CLCA2: variants seen among roughly 807,000 people sequenced by gnomAD.
CLCA2 encodes the protein calcium-activated chloride channel regulator 2.
In CLCA2, 85 loss-of-function variants were observed where a neutral mutation model predicts 82.9. That is an observed-to-expected ratio of 1.03 (90% CI 0.86 to 1.23). The LOEUF (loss-of-function observed/expected upper bound fraction) is 1.23, where lower values mean the gene tolerates loss of function less well. Among genes scored for constraint, CLCA2 ranks in the 50% most tolerant of loss-of-function variants. The pLI is 0.00. For synonymous variants in CLCA2, 421 were observed against 391.7 expected (o/e 1.07, Z -0.88); for missense variants, 1,089 against 1,124.8 (o/e 0.97, Z 0.45).
At chr1:86,431,983 TGGAGTGCAATGGCAC>T (rs984152595) in intron 4 of CLCA2, among the ~76,000 whole-genome samples, 17 of 152,352 alleles carry the variant, frequency 1.1e-4, no homozygotes, top group African/African-American at 3.6e-4. Flanking sequence ...TCGCCCAGGC[TGGAGTGCAATGGCAC>T]GATTTCGGCT....
intron 5 of CLCA2, among the ~76,000 whole-genome samples, chr1:86,433,842 T>C (rs1662547073): frequency 6.6e-6 from 1 of 152,210 alleles, no homozygotes; most frequent in Non-Finnish European, 1.5e-5. Flanking sequence ...ATGGGAAGTA[T>C]CGACTCTTTG....
At position 86,430,885 on chromosome 1, in the gene CLCA2, G is replaced by T; in HGVS notation, c.499G>T (p.Ala167Ser). The T allele has an allele frequency of 6.2e-7, 1 of 1,613,424 alleles. No homozygotes were observed. The highest frequency in any genetic ancestry group is 8.5e-7 in the Non-Finnish European group (1 of 1,179,706). The change falls in exon 4 of 14, where the codon GCC (alanine) becomes TCC (serine). Residue 167 changes from alanine (A) to serine (S), a missense_variant. Transcript: ENST00000370565. The stretch of plus-strand genomic sequence containing the variant: ...AGGCCGAGTGTTTGTCCATGAATGG[G>T]CCCACCTCCGTTGGGGTGTGTTCGA... ...SRGRVFVHEW[A>S]HLRWGVFDEY...
intron 9 of CLCA2, among the ~76,000 whole-genome samples, chr1:86,442,650 T>C (rs2101704564): frequency 6.6e-6 from 1 of 152,180 alleles, no homozygotes; most frequent in African/African-American, 2.4e-5. Flanking sequence ...TCCACCAATA[T>C]AATTTTACAC....
At chr1:86,440,540 T>C (rs201994556) in intron 8 of CLCA2, among the ~76,000 whole-genome samples, 7 of 152,166 alleles carry the variant, frequency 4.6e-5, no homozygotes, top group Non-Finnish European at 8.8e-5. Flanking sequence ...AAAAATAATA[T>C]TTTATAATTC....
chr1:86,430,816 T>C (rs753667391), intron 3 of CLCA2, 46 bp from the exon 4 acceptor site: 3 of 1,415,902 alleles, frequency 2.1e-6, no homozygotes, highest in Non-Finnish European at 3.0e-6. Context: ...CAAGGCACAT[T>C]GCTGAGATTT....
chr1:86,453,172 CAAAAT>C (rs974343257), intron 12 of CLCA2, among the ~76,000 whole-genome samples, 192 bp from the exon 13 acceptor site: 1 of 151,866 alleles, frequency 6.6e-6, no homozygotes, highest in Non-Finnish European at 1.5e-5. Flanking sequence ...GACTCTGTCT[CAAAAT>C]AAAATAAAAT....
chr1:86,449,453 T>C (rs1237335242), intron 11 of CLCA2, among the ~76,000 whole-genome samples: 1 of 152,228 alleles, frequency 6.6e-6, no homozygotes, highest in East Asian at 1.9e-4. Context: ...TGGAGAGATT[T>C]TCCTTTGTAA....
chr1:86,436,032 A>G (rs143917930), intron 6 of CLCA2, among the ~76,000 whole-genome samples: 17 of 152,274 alleles, frequency 1.1e-4, no homozygotes, highest in African/African-American at 4.1e-4. Flanking sequence ...AGCAATGCTC[A>G]TTTGTCAACA....
At chr1:86,428,840 A>G (rs1558101485) in intron 3 of CLCA2, among the ~76,000 whole-genome samples, 1 of 152,206 alleles carries the variant, frequency 6.6e-6, no homozygotes, top group Non-Finnish European at 1.5e-5. Context: ...TGTCCTCACA[A>G]AGGAAAAGGT....
intron 10 of CLCA2, among the ~76,000 whole-genome samples, chr1:86,445,977 A>G (rs1242352773): frequency 6.6e-6 from 1 of 152,104 alleles, no homozygotes; most frequent in East Asian, 1.9e-4. Flanking sequence ...CCCAAAAGGT[A>G]TTTTGTAAAA....
rs779647228 is a variant in CLCA2, at chr1:86,453,392, AG to A, written c.2181del (p.Lys728AsnfsTer3). 1 of 1,613,960 alleles carries A rather than the reference AG, an allele frequency of 6.2e-7. No homozygotes were observed. The highest frequency in any genetic ancestry group is 1.1e-5 in the South Asian group (1 of 91,066). ...AGGTAATATTCAGATGAATGCTCCA[AG>A]GAAATCAGTAGGCAGAAATGAGGAG... ...ANGNIQMNAP[R>X]KSVGRNEEER... is the part of the protein sequence containing the mutation. On this transcript the variant is annotated frameshift_variant, in exon 13 of 14. Transcript: ENST00000370565. LOFTEE classifies it high-confidence loss of function.
chr1:86,435,846 T>C (rs537228452), intron 6 of CLCA2, among the ~76,000 whole-genome samples: 1 of 152,260 alleles, frequency 6.6e-6, no homozygotes, highest in African/African-American at 2.4e-5. Flanking sequence ...TTTTTACTAT[T>C]ATCTATGCCC....
In CLCA2 at chr1:86,440,184, G is replaced by C; in HGVS notation, c.1240G>C (p.Val414Leu). ...EKLNGKAYGSVMILVTSGDDK... is the reference protein window; with the variant it reads ...EKLNGKAYGSLMILVTSGDDK... ...ACTGAATGGAAAAGCTTATGGCTCT[G>C]TGATGATATTAGTGACCAGCGGAGA... Residue 414 changes from valine to leucine, a missense_variant, in exon 8 of 14, where the codon GTG becomes CTG. Coordinates refer to ENST00000370565, the MANE Select transcript of CLCA2 (RefSeq NM_006536.7). 6.2e-7 allele frequency: 1 copy of C among 1,614,146 alleles called. No individual in the cohort carries two copies. The highest frequency in any genetic ancestry group is 1.3e-5 in the African/African-American group (1 of 75,048).
At position 86,424,432 on chromosome 1, in the gene CLCA2, A is replaced by G. The variant is rs1662348796; in HGVS notation, c.185A>G (p.Lys62Arg). 6.2e-7 allele frequency: 1 copy of G among 1,604,184 alleles called. No homozygotes were observed. Among genetic ancestry groups the G allele is most frequent in the Non-Finnish European group, 8.5e-7 (1 of 1,174,910 alleles). The change falls in exon 1 of 14, where the codon AAG becomes AGG. Residue 62 changes from lysine (K) to arginine (R), a missense_variant and splice_region_variant. By Grantham distance (26) the Lys-to-Arg change is conservative. Coordinates refer to ENST00000370565, the MANE Select transcript of CLCA2 (RefSeq NM_006536.7). ...AATCAGAACCTCATCTCAAACATTAAGGTGAGTGGAAATTATGAAATTGAT... is the reference window on the plus strand; with the variant it reads ...AATCAGAACCTCATCTCAAACATTAGGGTGAGTGGAAATTATGAAATTGAT... ...PENQNLISNI[K>R]EMITEASFYL...
intron 10 of CLCA2, among the ~76,000 whole-genome samples, 158 bp from the exon 11 acceptor site, chr1:86,447,350 T>C (rs1662872677): frequency 6.6e-6 from 1 of 152,208 alleles, no homozygotes; most frequent in Non-Finnish European, 1.5e-5. Flanking sequence ...ATTCATCCCT[T>C]AACCAATGCT....
intron 9 of CLCA2, among the ~76,000 whole-genome samples, chr1:86,442,537 T>A (rs1366218258): frequency 4.6e-5 from 7 of 152,158 alleles, no homozygotes; most frequent in Non-Finnish European, 8.8e-5. Flanking sequence ...TAAATCTTCT[T>A]CAACAGCCCA....
At chr1:86,430,012 T>TCCTTTG (rs112142757) in intron 3 of CLCA2, among the ~76,000 whole-genome samples, 8 of 152,236 alleles carry the variant, frequency 5.3e-5, no homozygotes, top group African/African-American at 1.9e-4. Context: ...TACCCTCCCT[T>TCCTTTG]CCTTTGCCTC....
Position 86,453,558 on chromosome 1 carries a change from C to G in CLCA2, c.2345C>G (p.Thr782Ser). ...LEAVKVEEEL[T>S]LSWTAPGEDF... Reference sequence around the variant, plus strand: ...GCTGTAAAAGTAGAAGAGGAATTGACCCTATCTTGGACAGCACCTGGAGAA... The same window carrying G: ...GCTGTAAAAGTAGAAGAGGAATTGAGCCTATCTTGGACAGCACCTGGAGAA... Residue 782 changes from threonine to serine, a missense_variant, in exon 13 of 14, where the codon ACC becomes AGC. Thr to Ser is a moderately conservative substitution (Grantham distance 58, BLOSUM62 1). Transcript: ENST00000370565. 6.2e-7 allele frequency: 1 copy of G among 1,614,088 alleles called. No homozygotes were observed. Among genetic ancestry groups the G allele is most frequent in the East Asian group, 2.2e-5 (1 of 44,872 alleles).
rs558913475 is a variant in CLCA2 at position 86,431,639 on chromosome 1, C to A, written c.584+669C>A. On this transcript the variant is annotated intron_variant, in intron 4 of 13. Coordinates refer to ENST00000370565, the MANE Select transcript of CLCA2 (RefSeq NM_006536.7). The stretch of plus-strand genomic sequence containing the variant: ...TGAGATCGCTTGTTTAGGAAAGAAT[C>A]CTGTTAAATATCATCATTACATGTT... 2.0e-5 allele frequency among the ~76,000 whole-genome samples: 3 copies of A among 152,220 alleles called. No individual in the cohort carries two copies. The East Asian group carries it at 5.8e-4, about 29-fold the overall frequency.
Sources: gnomAD v4.1 joint callset for allele counts (sites outside exome capture counted in the v4.1 genomes callset) on GRCh38, gnomAD v4.1.1 for gene constraint, MANE v1.5 for transcripts, NCBI Gene and HGNC (gene_info 2026-07-23, HGNC 2026-07-21) for gene names.